The following PDS5A variants were observed in gnomAD, a reference collection of about 807,000 sequenced individuals.
PDS5A encodes sister chromatid cohesion protein PDS5 homolog A.
In PDS5A, 42 loss-of-function variants were observed where a neutral mutation model predicts 167.1. That is an observed-to-expected ratio of 0.25 (90% confidence interval 0.20 to 0.33). PDS5A has a LOEUF of 0.33. Ranked by LOEUF, PDS5A falls within the 10% of genes least tolerant of loss-of-function variation. The probability of loss-of-function intolerance (pLI) is 1.00; values close to 1 mark genes in which losing one functional copy is unlikely to be tolerated. For synonymous variants in PDS5A, 553 were observed against 554.6 expected (o/e 1.00, Z 0.04); for missense variants, 1,033 against 1,605.9 (o/e 0.64, Z 6.10).
chr4:39,895,538 T>G (rs1311560930), intron 16 of PDS5A, among the ~76,000 whole-genome samples: 1 of 152,190 alleles, frequency 6.6e-6, no homozygotes, highest in Non-Finnish European at 1.5e-5. Flanking sequence ...TCTGGGTAAG[T>G]CAGTGAGTAA....
At chr4:39,952,692 A>G (rs1207901197) in intron 2 of PDS5A, among the ~76,000 whole-genome samples, 2 of 150,232 alleles carry the variant, frequency 1.3e-5, no homozygotes, top group Non-Finnish European at 3.0e-5. Context: ...TGACCAATAA[A>G]TTGTCACTTG....
chr4:39,904,347 T>C (rs1723129628), intron 11 of PDS5A, among the ~76,000 whole-genome samples, 156 bp from the exon 12 acceptor site: 1 of 150,724 alleles, frequency 6.6e-6, no homozygotes, highest in Admixed American at 6.6e-5. Flanking sequence ...AACAATTTTA[T>C]TTTTTTTTTG....
At chr4:39,975,980 C>G (rs1424249763) in intron 2 of PDS5A, 3 of 152,410 alleles carry the variant, frequency 2.0e-5, no homozygotes, top group African/African-American at 7.2e-5. Context: ...TATGAAAAGT[C>G]TGTACCTTCT....
Position 39,862,847 on chromosome 4 carries a change from CGGA to C in PDS5A, c.2971+19_2971+21del. On this transcript the variant is annotated intron_variant, in intron 25 of 32. Coordinates refer to ENST00000303538, the MANE Select transcript of PDS5A (RefSeq NM_001100399.2). ...TACATTGACAAAATATATTTGCACACGGAGAACTCTGAGTTACTTACCAGTAGC... is the reference window on the plus strand; with the variant it reads ...TACATTGACAAAATATATTTGCACACGAACTCTGAGTTACTTACCAGTAGC... 6.9e-7 allele frequency: 1 copy of C among 1,458,272 alleles called. No individual in the cohort carries two copies. The highest frequency in any genetic ancestry group is 9.5e-7 in the Non-Finnish European group (1 of 1,049,018). 90.3% of individuals were successfully genotyped at this position (1,458,272 alleles called of 1,614,324 possible).
chr4:39,971,662 G>C (rs985931817), intron 2 of PDS5A, among the ~76,000 whole-genome samples: 1 of 152,106 alleles, frequency 6.6e-6, no homozygotes, highest in African/African-American at 2.4e-5. Flanking sequence ...GTTTCACCAT[G>C]TTGGCCAGGC....
At chr4:39,829,785 A>G (rs978620648) in intron 32 of PDS5A, among the ~76,000 whole-genome samples, 4 of 151,746 alleles carry the variant, frequency 2.6e-5, no homozygotes, top group Admixed American at 1.3e-4. Flanking sequence ...CCCTGTCTCC[A>G]CTAAAAATAC....
chr4:39,928,223 G>A, intron 2 of PDS5A, 59 bp from the exon 3 acceptor site: 2 of 1,159,152 alleles, frequency 1.7e-6, no homozygotes, highest in Non-Finnish European at 2.5e-6. Flanking sequence ...AATCAGTGGA[G>A]GATGTGATTT....
chr4:39,883,225 G>C (rs1721113242), intron 17 of PDS5A, among the ~76,000 whole-genome samples: 1 of 151,808 alleles, frequency 6.6e-6, no homozygotes, highest in African/African-American at 2.4e-5. Context: ...TTTTTGCCCA[G>C]GCTGGAGTGC....
intron 2 of PDS5A, among the ~76,000 whole-genome samples, chr4:39,959,148 A>T (rs1456483154): frequency 2.0e-5 from 3 of 152,122 alleles, no homozygotes; most frequent in African/African-American, 4.8e-5. Context: ...AATCATCTCA[A>T]AATATGATAA....
chr4:39,863,233 CT>C (rs1427380690), intron 24 of PDS5A, 102 bp downstream of exon 24: 13 of 984,586 alleles, frequency 1.3e-5, no homozygotes, highest in Non-Finnish European at 1.9e-5. Flanking sequence ...ATAGTAGTGA[CT>C]TTTGTGCATA....
chr4:39,976,297 T>A, intron 2 of PDS5A, 143 bp downstream of exon 2: 1 of 568,488 alleles, frequency 1.8e-6, no homozygotes, highest in Non-Finnish European at 3.1e-6. Flanking sequence ...CTCAAAGATG[T>A]TATCTGAGAT....
At chr4:39,877,275 T>C (rs1215927351) in intron 18 of PDS5A, 122 bp from the exon 19 acceptor site, 6 of 540,078 alleles carry the variant, frequency 1.1e-5, no homozygotes, top group African/African-American at 1.9e-5. Flanking sequence ...CTACACAGAA[T>C]AGAGATACAT....
chr4:39,889,914 C>T (rs1190027875), intron 17 of PDS5A, among the ~76,000 whole-genome samples: 1 of 152,124 alleles, frequency 6.6e-6, no homozygotes, highest in Non-Finnish European at 1.5e-5. Flanking sequence ...ATTACAGGGC[C>T]ATTAAAATGC....
intron 7 of PDS5A, among the ~76,000 whole-genome samples, chr4:39,919,085 A>G (rs1553901941): frequency 6.6e-6 from 1 of 152,202 alleles, no homozygotes; most frequent in Non-Finnish European, 1.5e-5. Flanking sequence ...ATTATTGTTT[A>G]ATCTGTTTAA....
chr4:39,931,427 T>G (rs901841312), intron 2 of PDS5A, among the ~76,000 whole-genome samples: 1 of 152,160 alleles, frequency 6.6e-6, no homozygotes, highest in Admixed American at 6.5e-5. Context: ...CTTAGCTAAG[T>G]CGTGTGGGCC....
chr4:39,919,266 A>G (rs78147284), intron 7 of PDS5A, among the ~76,000 whole-genome samples: 3,754 of 152,334 alleles, frequency 0.025, 157 homozygotes, highest in East Asian at 0.18. Context: ...ACAATAAGGA[A>G]ATACGTATCA....
chr4:39,878,990 C>T (rs571405415), intron 18 of PDS5A, among the ~76,000 whole-genome samples: 1 of 152,204 alleles, frequency 6.6e-6, no homozygotes, highest in African/African-American at 2.4e-5. Flanking sequence ...GATCTGCCCG[C>T]CTCGGCCTCC....
chr4:39,962,074 T>TC (rs919911255), intron 2 of PDS5A, among the ~76,000 whole-genome samples: 70 of 152,064 alleles, frequency 4.6e-4, no homozygotes, highest in Non-Finnish European at 8.4e-4. Flanking sequence ...TTTTTTTTTT[T>TC]TGAGACGTAG....
chr4:39,899,425 G>A (rs768024426), intron 14 of PDS5A, among the ~76,000 whole-genome samples: 4 of 152,130 alleles, frequency 2.6e-5, no homozygotes, highest in South Asian at 4.1e-4. Context: ...TAGTAGTTTC[G>A]ATGGAATATA....
Sources: gnomAD v4.1 joint callset for allele counts (sites outside exome capture counted in the v4.1 genomes callset) on GRCh38, gnomAD v4.1.1 for gene constraint, MANE v1.5 for transcripts, NCBI Gene and HGNC (gene_info 2026-07-23, HGNC 2026-07-21) for gene names.